SH3PXD2B: variants seen among roughly 807,000 people sequenced by gnomAD.
SH3PXD2B encodes the protein SH3 and PX domains 2B.
In SH3PXD2B, 37 loss-of-function variants were observed where a neutral mutation model predicts 73.1. That is an observed-to-expected ratio of 0.51 (90% CI 0.39 to 0.67). The LOEUF (loss-of-function observed/expected upper bound fraction) is 0.67, where lower values mean the gene tolerates loss of function less well. Among genes scored for constraint, SH3PXD2B ranks in the 30% least tolerant of loss-of-function variants. SH3PXD2B has a pLI of 0.00. For synonymous variants in SH3PXD2B, 457 were observed against 480.5 expected (o/e 0.95, Z 0.64); for missense variants, 1,053 against 1,197.8 (o/e 0.88, Z 1.78).
rs891559991 is a variant in SH3PXD2B, at chr5:172,333,776, G to A, written c.*4593C>T. On this transcript the variant is annotated 3_prime_UTR_variant, in exon 13 of 13. Transcript: ENST00000311601. The stretch of plus-strand genomic sequence containing the variant: ...TGGGCAGTGCCCACTGTTCCTGGAG[G>A]GAGGTAAGAAATGGCCTGTTACTTG... The A allele has an allele frequency of 1.6e-6, 2 of 1,289,110 alleles. No individual in the cohort carries two copies. Among genetic ancestry groups the A allele is most frequent in the African/African-American group, 3.0e-5 (2 of 65,942 alleles). The allele number at this position is 1,289,110 out of a possible 1,614,324, so 79.9% of individuals were successfully genotyped here.
chr5:172,362,517 G>A (rs559564083), intron 7 of SH3PXD2B, among the ~76,000 whole-genome samples: 10 of 152,262 alleles, frequency 6.6e-5, no homozygotes, highest in South Asian at 4.1e-4. Flanking sequence ...AGAACAAATC[G>A]GTACCATCTG....
downstream of SH3PXD2B, among the ~76,000 whole-genome samples, chr5:172,329,988 T>C (rs1202579736): frequency 6.6e-6 from 1 of 152,228 alleles, no homozygotes; most frequent in Non-Finnish European, 1.5e-5. Context: ...TGAAGTTTCC[T>C]ATATGTGGCA....
chr5:172,325,954 A>G (rs1286852767), intron 12 of SH3PXD2B, among the ~76,000 whole-genome samples: 3 of 152,044 alleles, frequency 2.0e-5, no homozygotes, highest in Non-Finnish European at 4.4e-5. Context: ...GACCTGGCTA[A>G]TTTTGTATTT....
At chr5:172,395,042 C>T (rs1331093674) in intron 3 of SH3PXD2B, among the ~76,000 whole-genome samples, 1 of 152,086 alleles carries the variant, frequency 6.6e-6, no homozygotes, top group African/African-American at 2.4e-5. Context: ...AGCAATAGTT[C>T]AGTCTCCTCC....
chr5:172,342,596 C>T (rs147001534), intron 12 of SH3PXD2B, among the ~76,000 whole-genome samples: 2,123 of 152,178 alleles, frequency 0.014, 35 homozygotes, highest in African/African-American at 0.048. Flanking sequence ...CCTGCGTCTA[C>T]GAAAAATACA....
intron 4 of SH3PXD2B, among the ~76,000 whole-genome samples, chr5:172,393,178 T>C (rs1758227321): frequency 6.6e-6 from 1 of 152,248 alleles, no homozygotes; most frequent in Non-Finnish European, 1.5e-5. Context: ...TTAACAATAT[T>C]GAGTCTTCCA....
chr5:172,339,853 G>A lies in SH3PXD2B; in HGVS notation c.1252C>T (p.Pro418Ser). ...IQIEDKEGWAPATFIDKYKKT... is the reference protein window; with the variant it reads ...IQIEDKEGWASATFIDKYKKT... ...TTGTACTTGTCAATGAAGGTGGCCG[G>A]GGCCCACCCTTCCTTATCTTCAATC... Residue 418 changes from proline (P) to serine (S), a missense_variant, in exon 13 of 13, where the codon CCG (proline) becomes TCG (serine). Pro to Ser is a moderately conservative substitution (Grantham distance 74). Around this residue, in one of 2 missense-constraint regions of SH3PXD2B, gnomAD observed 466 missense variants for 607.1 expected, o/e 0.77. Coordinates refer to ENST00000311601, the MANE Select transcript of SH3PXD2B (RefSeq NM_001017995.3). This position sits in a 1 kb window ranked among gnomAD's most constrained non-coding sequence, Gnocchi z 6.1. 1.2e-6 allele frequency: 2 copies of A among 1,614,238 alleles called. No individual in the cohort carries two copies. Among genetic ancestry groups the A allele is most frequent in the East Asian group, 2.2e-5 (1 of 44,886 alleles).
chr5:172,366,052 C>T (rs1018978749), intron 6 of SH3PXD2B, among the ~76,000 whole-genome samples: 1 of 152,198 alleles, frequency 6.6e-6, no homozygotes, highest in Non-Finnish European at 1.5e-5. Flanking sequence ...ACTTCACAGC[C>T]AGGTTGGTGC....
At chr5:172,377,918 C>G (rs1210954790) in intron 5 of SH3PXD2B, among the ~76,000 whole-genome samples, 4 of 152,034 alleles carry the variant, frequency 2.6e-5, no homozygotes, top group African/African-American at 9.7e-5. Flanking sequence ...AGTCAGCAGG[C>G]CCTCCCTATC....
At chr5:172,373,397 G>A (rs1422936348) in intron 6 of SH3PXD2B, among the ~76,000 whole-genome samples, 1 of 152,216 alleles carries the variant, frequency 6.6e-6, no homozygotes, top group Non-Finnish European at 1.5e-5. Context: ...TGTATAAAGT[G>A]GAACAAAGGC....
chr5:172,420,466 C>G (rs1241758354), intron 2 of SH3PXD2B, among the ~76,000 whole-genome samples: 1 of 151,894 alleles, frequency 6.6e-6, no homozygotes, highest in East Asian at 1.9e-4. Context: ...TGAAAATTCT[C>G]TATTCAGCAC....
downstream of SH3PXD2B, among the ~76,000 whole-genome samples, chr5:172,332,376 C>T (rs1200647574): frequency 6.6e-6 from 1 of 151,686 alleles, no homozygotes; most frequent in East Asian, 1.9e-4. Flanking sequence ...ACTTCAGCCT[C>T]CCAAGTAGCT....
chr5:172,349,476 A>G (rs1757109593), intron 10 of SH3PXD2B, among the ~76,000 whole-genome samples: 1 of 152,202 alleles, frequency 6.6e-6, no homozygotes, highest in Non-Finnish European at 1.5e-5. Flanking sequence ...ATTAAATGGT[A>G]AAATATACAC....
At chr5:172,350,881 G>T (rs1030597208) in intron 9 of SH3PXD2B, among the ~76,000 whole-genome samples, 1 of 152,204 alleles carries the variant, frequency 6.6e-6, no homozygotes, top group African/African-American at 2.4e-5. Flanking sequence ...TCTGTGCTTT[G>T]CTGCCTCTTC....
chr5:172,346,069 G>C, intron 12 of SH3PXD2B, 67 bp downstream of exon 12: 1 of 1,611,426 alleles, frequency 6.2e-7, no homozygotes, highest in Non-Finnish European at 8.5e-7. Context: ...GGTGACAGGG[G>C]AGAAGTAGGA....
rs1756645149 is a variant in SH3PXD2B, at chr5:172,334,647, C to G, written c.*3722G>C. The G allele has an allele frequency of 4.1e-6, 4 of 985,330 alleles. No individual in the cohort carries two copies. In the African/African-American group the frequency reaches 5.2e-5, roughly 13 times the overall value. The allele number at this position is 985,330 out of a possible 1,614,324, so 61.0% of individuals were successfully genotyped here. ...TTGGGCACGATGAAAGGACGGGGGT[C>G]CAGCTACGAATGTTTTTGTTCTTGA... is the stretch of plus-strand genomic sequence containing the variant. On this transcript the variant is annotated 3_prime_UTR_variant, in exon 13 of 13. Transcript: ENST00000311601.
chr5:172,434,801 T>C lies in SH3PXD2B; in HGVS notation c.76-12305A>G, dbSNP rs989329771. Among the ~76,000 whole-genome samples the C allele has an allele frequency of 8.0e-5, 12 of 150,878 alleles. 1 individual carries two copies. The highest frequency in any genetic ancestry group is 2.0e-4 in the African/African-American group (8 of 40,432). On this transcript the variant is annotated intron_variant, in intron 1 of 12. Transcript: ENST00000311601. ...CCAATGGTTTTTTTTTTTTTTTTTT[T>C]CAGACAGAGTCTCGTTCTCTTGCCC...
Sources: gnomAD v4.1 joint callset for allele counts (sites outside exome capture counted in the v4.1 genomes callset) on GRCh38, gnomAD v4.1.1 for gene constraint, gnomAD v4.1.1 regional missense constraint, Gnocchi (gnomAD v3.1) non-coding constraint, MANE v1.5 for transcripts, NCBI Gene and HGNC (gene_info 2026-07-23, HGNC 2026-07-21) for gene names.